The following RFTN1 variants were observed in gnomAD, a reference collection of about 807,000 sequenced individuals.
RFTN1 encodes the protein raftlin.
Under a neutral mutation model 46.5 loss-of-function variants are expected in RFTN1, and 26 were observed. That is an observed-to-expected ratio of 0.56 (90% confidence interval 0.41 to 0.78). The LOEUF is 0.78. Among genes scored for constraint, RFTN1 ranks in the 30% least tolerant of loss-of-function variants. The pLI is 0.00. For missense variants in RFTN1, 693 were observed against 718.7 expected, an observed-to-expected ratio of 0.96 and a Z score of 0.41; for synonymous variants, 261 against 284.2, an observed-to-expected ratio of 0.92 and a Z score of 0.82.
chr3:16,511,127 G>C (rs1559383908), intron 1 of RFTN1, among the ~76,000 whole-genome samples: 2 of 152,218 alleles, frequency 1.3e-5, no homozygotes, highest in Admixed American at 6.5e-5. Context: ...GGTGAGGGCA[G>C]AGAATGACTG....
intron 7 of RFTN1, among the ~76,000 whole-genome samples, chr3:16,330,332 G>C (rs1397519612): frequency 2.0e-5 from 3 of 152,184 alleles, no homozygotes; most frequent in African/African-American, 7.2e-5. Context: ...ATCTATCACA[G>C]CCCGTTTGCA....
At chr3:16,423,913 A>G (rs1487506971) in intron 3 of RFTN1, among the ~76,000 whole-genome samples, 4 of 152,198 alleles carry the variant, frequency 2.6e-5, no homozygotes, top group Non-Finnish European at 1.5e-5. Flanking sequence ...TTTTGTTTTT[A>G]GGGAGCAGAG....
chr3:16,423,262 A>G (rs1193987584), intron 3 of RFTN1, among the ~76,000 whole-genome samples: 3 of 151,808 alleles, frequency 2.0e-5, no homozygotes, highest in East Asian at 1.9e-4. Flanking sequence ...ACATTAGGCA[A>G]TGTCTGGAAT....
At position 16,328,819 on chromosome 3, in the gene RFTN1, GAA is replaced by G. The variant is rs1190189326; in HGVS notation, c.1147-1945_1147-1944del. Among the ~76,000 whole-genome samples the G allele has an allele frequency of 6.6e-4, 100 of 152,336 alleles. 1 individual carries two copies. The highest frequency in any genetic ancestry group is 1.9e-4 in the Non-Finnish European group (13 of 68,024). On this transcript the variant is annotated intron_variant, in intron 7 of 9. Coordinates refer to ENST00000334133, the MANE Select transcript of RFTN1 (RefSeq NM_015150.2). Reference sequence around the variant, plus strand: ...ATCATGTAGGTCCCTCCTGGCAAAAGAAAAGTCTGTAATTCTGTGGCCAGAAT... The same window carrying G: ...ATCATGTAGGTCCCTCCTGGCAAAAGAAGTCTGTAATTCTGTGGCCAGAAT...
At chr3:16,343,992 CAG>C (rs1480173070) in intron 7 of RFTN1, among the ~76,000 whole-genome samples, 2 of 150,564 alleles carry the variant, frequency 1.3e-5, no homozygotes, top group Non-Finnish European at 3.0e-5. Context: ...AGGGTCTCAG[CAG>C]AGAGTGAGCA....
At position 16,475,038 on chromosome 3, in the gene RFTN1, G is replaced by A. The variant is rs533787471; in HGVS notation, c.145+18687C>T. Among the ~76,000 whole-genome samples the A allele has an allele frequency of 6.6e-6, 1 of 152,320 alleles. No individual in the cohort carries two copies. The highest frequency in any genetic ancestry group is 2.1e-4 in the South Asian group (1 of 4,832). ...GCGGATCCCTCACGAAAGGCTTGCT[G>A]TCCTCCTTCGAGGTAATGAGTGAGT... is the stretch of plus-strand genomic sequence containing the variant. On this transcript the variant is annotated intron_variant, in intron 2 of 9. Coordinates refer to ENST00000334133, the MANE Select transcript of RFTN1 (RefSeq NM_015150.2). The surrounding 1 kb of genome is among the most constrained non-coding windows in gnomAD (Gnocchi z 4.2).
At chr3:16,493,904 A>G (rs2076583066) in intron 1 of RFTN1, 27 bp from the exon 2 acceptor site, 3 of 1,611,782 alleles carry the variant, frequency 1.9e-6, no homozygotes, top group Non-Finnish European at 2.5e-6. Flanking sequence ...AAAGGCGGGG[A>G]GGTGATTTTT....
At chr3:16,444,175 A>G (rs1175211718) in intron 2 of RFTN1, among the ~76,000 whole-genome samples, 1 of 152,250 alleles carries the variant, frequency 6.6e-6, no homozygotes, top group African/African-American at 2.4e-5. Flanking sequence ...AAAGCAAATT[A>G]TGAATGTTTT....
Position 16,345,817 on chromosome 3 carries a change from T to TGTGTGC in RFTN1, c.1146+12114_1146+12115insGCACAC, listed in dbSNP as rs1160939614. On this transcript the variant is annotated intron_variant, in intron 7 of 9. Transcript: ENST00000334133. The surrounding 1 kb of genome is among the most constrained non-coding windows in gnomAD (Gnocchi z 5.2). ...GTGTGTGTGTGTGTGTGTGTGTGTG[T>TGTGTGC]GCGCGCGCGCGTGCGCGCACGCGCA... 1.3e-3 allele frequency among the ~76,000 whole-genome samples: 98 copies of TGTGTGC among 74,606 alleles called. No homozygotes were observed. Among genetic ancestry groups the TGTGTGC allele is most frequent in the East Asian group, 7.7e-3 (19 of 2,462 alleles). 48.9% of individuals were successfully genotyped at this position (74,606 alleles called of 152,430 possible).
Position 16,402,346 on chromosome 3 carries a change from G to A in RFTN1, c.441+7029C>T, listed in dbSNP as rs1208376924. ...GCCCCCTGCAAGGCCTGCGCCAGCC[G>A]CCAGCTCACTGTCTTCCACTCTGAA... On this transcript the variant is annotated intron_variant, in intron 4 of 9. Coordinates refer to ENST00000334133, the MANE Select transcript of RFTN1 (RefSeq NM_015150.2). The surrounding 1 kb of genome is among the most constrained non-coding windows in gnomAD (Gnocchi z 4.5). Among the ~76,000 whole-genome samples, 3 of 152,284 alleles carry A rather than the reference G, an allele frequency of 2.0e-5. No homozygotes were observed. The highest frequency in any genetic ancestry group is 6.5e-5 in the Admixed American group (1 of 15,300).
intron 5 of RFTN1, among the ~76,000 whole-genome samples, chr3:16,373,781 G>A (rs566398402): frequency 6.6e-6 from 1 of 152,310 alleles, no homozygotes; most frequent in East Asian, 1.9e-4. Flanking sequence ...TCCAAGCTGG[G>A]TGGGGACTGC....
Position 16,481,874 on chromosome 3 carries a change from T to C in RFTN1, c.145+11851A>G, listed in dbSNP as rs2076372743. Among the ~76,000 whole-genome samples, 2 of 152,180 alleles carry C rather than the reference T, an allele frequency of 1.3e-5. No individual in the cohort carries two copies. The highest frequency in any genetic ancestry group is 6.5e-5 in the Admixed American group (1 of 15,282). On this transcript the variant is annotated intron_variant, in intron 2 of 9. Transcript: ENST00000334133. The surrounding 1 kb of genome is among the most constrained non-coding windows in gnomAD (Gnocchi z 5.1). ...TTTTCAGCAAAGGAGGAGTCTATAT[T>C]CAGCACAGGAAAAGTCCCGATATTG...
In RFTN1 at chr3:16,449,014, C is replaced by G. The variant is rs1377516906; in HGVS notation, c.146-14977G>C. Among the ~76,000 whole-genome samples, 1 of 152,208 alleles carries G rather than the reference C, an allele frequency of 6.6e-6. No individual in the cohort carries two copies. Among genetic ancestry groups the G allele is most frequent in the Non-Finnish European group, 1.5e-5 (1 of 68,034 alleles). ...AGAAAGGCAACATCTCCCTCACACA[C>G]TTAATAAATGCATCCGTGTGGTATT... On this transcript the variant is annotated intron_variant, in intron 2 of 9. Coordinates refer to ENST00000334133, the MANE Select transcript of RFTN1 (RefSeq NM_015150.2). The surrounding 1 kb of genome is among the most constrained non-coding windows in gnomAD (Gnocchi z 5.1).
At chr3:16,378,466 G>GT (rs777357784) in intron 4 of RFTN1, among the ~76,000 whole-genome samples, 13 of 151,778 alleles carry the variant, frequency 8.6e-5, no homozygotes, top group African/African-American at 2.7e-4. Context: ...TAAGAGTTTA[G>GT]TTTTTTTTGT....
At chr3:16,388,115 G>A (rs1341768996) in intron 4 of RFTN1, among the ~76,000 whole-genome samples, 1 of 152,154 alleles carries the variant, frequency 6.6e-6, no homozygotes, top group Non-Finnish European at 1.5e-5. Flanking sequence ...CCAAACTCCT[G>A]ACACCTTCAC....
At chr3:16,388,359 T>C (rs2074258512) in intron 4 of RFTN1, among the ~76,000 whole-genome samples, 1 of 152,208 alleles carries the variant, frequency 6.6e-6, no homozygotes, top group Non-Finnish European at 1.5e-5. Context: ...TGGGCATTTA[T>C]TAAAGGAATG....
Position 16,334,902 on chromosome 3 carries a change from C to CA in RFTN1, c.1147-8027dup. Among the ~76,000 whole-genome samples, 1 of 152,240 alleles carries CA rather than the reference C, an allele frequency of 6.6e-6. No homozygotes were observed. The highest frequency in any genetic ancestry group is 2.1e-4 in the South Asian group (1 of 4,822). ...TAAGGACAGGCAGGAAGGCCAGAGT[C>CA]AGAGGAAGAGATGTGATGGCAGCAG... On this transcript the variant is annotated intron_variant, in intron 7 of 9. Transcript: ENST00000334133. This position sits in a 1 kb window ranked among gnomAD's most constrained non-coding sequence, Gnocchi z 4.3.
At position 16,345,640 on chromosome 3, in the gene RFTN1, A is replaced by G. The variant is rs2125302248; in HGVS notation, c.1146+12292T>C. ...TTGCTCCTGGTTCTCAGGGCTTGGG[A>G]CCTGGACTGGAGTCCACACCATCAG... On this transcript the variant is annotated intron_variant, in intron 7 of 9. Coordinates refer to ENST00000334133, the MANE Select transcript of RFTN1 (RefSeq NM_015150.2). The surrounding 1 kb of genome is among the most constrained non-coding windows in gnomAD (Gnocchi z 5.2). Among the ~76,000 whole-genome samples the G allele has an allele frequency of 6.6e-6, 1 of 152,138 alleles. No homozygotes were observed. The highest frequency in any genetic ancestry group is 1.9e-4 in the East Asian group (1 of 5,168).
chr3:16,327,014 G>T lies in RFTN1; in HGVS notation c.1147-138C>A. On this transcript the variant is annotated intron_variant, in intron 7 of 9. Coordinates refer to ENST00000334133, the MANE Select transcript of RFTN1 (RefSeq NM_015150.2). This position sits in a 1 kb window ranked among gnomAD's most constrained non-coding sequence, Gnocchi z 4.2. ...CCGGCCACTCAGAGGCTCCTGCTCCGATGCTTGCTGAAGACTTTAAAAGTT... is the reference window on the plus strand; with the variant it reads ...CCGGCCACTCAGAGGCTCCTGCTCCTATGCTTGCTGAAGACTTTAAAAGTT... 1 of 608,126 alleles carries T rather than the reference G, an allele frequency of 1.6e-6. No individual in the cohort carries two copies. Among genetic ancestry groups the T allele is most frequent in the Admixed American group, 3.0e-5 (1 of 32,838 alleles). The allele number at this position is 608,126 out of a possible 1,614,324, so 37.7% of individuals were successfully genotyped here.
Sources: gnomAD v4.1 joint callset for allele counts (sites outside exome capture counted in the v4.1 genomes callset) on GRCh38, gnomAD v4.1.1 for gene constraint, Gnocchi (gnomAD v3.1) non-coding constraint, MANE v1.5 for transcripts, NCBI Gene and HGNC (gene_info 2026-07-23, HGNC 2026-07-21) for gene names.